The following HEG1 variants were observed in gnomAD, a reference collection of about 807,000 sequenced individuals.
The protein encoded by HEG1 is protein HEG homolog 1.
A neutral mutation model predicts 125.6 loss-of-function variants in HEG1; 56 were observed. The observed-to-expected ratio is 0.45, with a 90% CI of 0.36 to 0.56. HEG1 has a LOEUF of 0.56. HEG1 is among the 20% of genes least tolerant of loss of function. The pLI is 0.00. For missense variants in HEG1, 1,523 were observed against 1,670.0 expected, an observed-to-expected ratio of 0.91 and a Z score of 1.53; for synonymous variants, 644 against 668.5, an observed-to-expected ratio of 0.96 and a Z score of 0.57.
intron 1 of HEG1, among the ~76,000 whole-genome samples, chr3:125,041,938 G>A (rs898683241): frequency 2.6e-5 from 4 of 152,152 alleles, no homozygotes; most frequent in Non-Finnish European, 5.9e-5. Context: ...GGTTTATCAG[G>A]GGCTGGAAGC....
At position 125,055,643 on chromosome 3, in the gene HEG1, C is replaced by A; in HGVS notation, c.248G>T (p.Arg83Met). 1 of 1,194,086 alleles carries A rather than the reference C, an allele frequency of 8.4e-7. No individual in the cohort carries two copies. The highest frequency in any genetic ancestry group is 1.0e-6 in the Non-Finnish European group (1 of 963,512). 74.0% of individuals were successfully genotyped at this position (1,194,086 alleles called of 1,614,324 possible). A position where few individuals can be genotyped will look rare whatever the true frequency, so the allele number is the denominator to read the frequency against. The change falls in exon 1 of 17, where the codon AGG becomes ATG. Residue 83 changes from arginine (R) to methionine (M), a missense_variant. Physicochemically the swap from Arg to Met is moderately conservative, Grantham distance 91 (BLOSUM62 -1). Coordinates refer to ENST00000311127, the MANE Select transcript of HEG1 (RefSeq NM_020733.2). ...TGTCGCGGCGCCTGGCTCAGGGGCC[C>A]TGTAGCTGGGGCCGGGGGTCGCGGG... ...RGPATPGPSYRAPEPGAATQR... is the reference protein window; with the variant it reads ...RGPATPGPSYMAPEPGAATQR...
rs1937008492 is a variant in HEG1, at chr3:125,002,031, G to A, written c.3357-19C>T. On this transcript the variant is annotated intron_variant, in intron 10 of 16. Coordinates refer to ENST00000311127, the MANE Select transcript of HEG1 (RefSeq NM_020733.2). ...GGACTCCCTATAGGCAAAGTTTGTGGGTTTTTAACAGCCCTGAAATGACAC... is the reference window on the plus strand; with the variant it reads ...GGACTCCCTATAGGCAAAGTTTGTGAGTTTTTAACAGCCCTGAAATGACAC... 6.2e-7 allele frequency: 1 copy of A among 1,613,422 alleles called. No individual in the cohort carries two copies. The highest frequency in any genetic ancestry group is 8.5e-7 in the Non-Finnish European group (1 of 1,179,694).
At position 125,012,535 on chromosome 3, in the gene HEG1, C is replaced by T. The variant is rs1196250097; in HGVS notation, c.2956+88G>A. ...CTATTTCAAATGCCAGCCATTTCTA[C>T]AAATTCACATGAACCCCGAGCCCCA... On this transcript the variant is annotated intron_variant, in intron 6 of 16. Transcript: ENST00000311127. 5.3e-6 allele frequency: 7 copies of T among 1,312,298 alleles called. No individual in the cohort carries two copies. In the Middle Eastern group the frequency reaches 9.5e-4, roughly 177 times the overall value. 81.3% of individuals were successfully genotyped at this position (1,312,298 alleles called of 1,614,324 possible).
intron 14 of HEG1, among the ~76,000 whole-genome samples, chr3:124,984,511 C>T (rs753599187): frequency 7.2e-5 from 11 of 152,086 alleles, no homozygotes; most frequent in African/African-American, 4.8e-5. Flanking sequence ...GTAATCCCAG[C>T]GCTTTGGGAG....
At chr3:124,971,671 T>C (rs1000660875) in intron 16 of HEG1, among the ~76,000 whole-genome samples, 5 of 152,120 alleles carry the variant, frequency 3.3e-5, no homozygotes, top group Non-Finnish European at 7.4e-5. Context: ...TTTGTATTTT[T>C]AGTAGAGACG....
At chr3:125,021,942 A>G (rs2088945602) in intron 3 of HEG1, among the ~76,000 whole-genome samples, 1 of 152,216 alleles carries the variant, frequency 6.6e-6, no homozygotes, top group South Asian at 2.1e-4. Context: ...GGACTCCAGG[A>G]GCATTTGCTC....
chr3:124,978,977 T>G, intron 14 of HEG1, among the ~76,000 whole-genome samples: 2 of 150,196 alleles, frequency 1.3e-5, no homozygotes, highest in African/African-American at 4.9e-5. Context: ...CGAGACGGAG[T>G]CTTGCTCTTG....
intron 16 of HEG1, among the ~76,000 whole-genome samples, chr3:124,973,503 C>A (rs920764290): frequency 6.6e-6 from 1 of 152,180 alleles, no homozygotes; most frequent in Non-Finnish European, 1.5e-5. Context: ...ACTGCTACAA[C>A]CACATAAATA....
chr3:124,976,496 TA>T (rs1303765580), intron 15 of HEG1, among the ~76,000 whole-genome samples: 3 of 128,204 alleles, frequency 2.3e-5, no homozygotes, highest in Admixed American at 7.9e-5. Context: ...AGCTATTTTC[TA>T]TTTTTTTTTT....
rs545452772 is a variant in HEG1 at position 125,027,317 on chromosome 3, C to T, written c.801G>A (p.Glu267=). The T allele has an allele frequency of 3.1e-6, 5 of 1,613,982 alleles. No homozygotes were observed. The East Asian group carries it at 1.1e-4, about 36-fold the overall frequency. ...AWSPSFLPAL[E]MGELTTPSRK... ...TAGAAGGCGTGGTCAGCTCTCCCAT[C>T]TCCAAAGCAGGAAGAAAGGACGGGC... is the stretch of plus-strand genomic sequence containing the variant. Residue 267 remains glutamate (E), a synonymous_variant, in exon 3 of 17, where the codon GAG becomes GAA. Transcript: ENST00000311127.
intron 1 of HEG1, among the ~76,000 whole-genome samples, chr3:125,053,747 C>T (rs1574130): frequency 0.14 from 21,171 of 152,228 alleles, 1,915 homozygotes; most frequent in Non-Finnish European, 0.2. Flanking sequence ...AAACCAAGAC[C>T]AGCAGTGTTA....
chr3:125,047,187 T>C lies in HEG1; in HGVS notation c.316+8388A>G, dbSNP rs1226572315. Among the ~76,000 whole-genome samples the C allele has an allele frequency of 2.0e-5, 3 of 152,350 alleles. No homozygotes were observed. In the East Asian group the frequency reaches 5.8e-4, roughly 29 times the overall value. ...GTCTTTGGAACATGGACTTGAACCC[T>C]AGGCAGGGAGCTTGCCCACTGTCCA... On this transcript the variant is annotated intron_variant, in intron 1 of 16. Coordinates refer to ENST00000311127, the MANE Select transcript of HEG1 (RefSeq NM_020733.2).
At chr3:125,003,273 T>C (rs1052905406) in intron 9 of HEG1, among the ~76,000 whole-genome samples, 1 of 152,186 alleles carries the variant, frequency 6.6e-6, no homozygotes, top group Non-Finnish European at 1.5e-5. Context: ...AAATTATACA[T>C]TGATACTGGG....
At chr3:124,976,250 T>C (rs7632767) in intron 15 of HEG1, among the ~76,000 whole-genome samples, 52,926 of 151,744 alleles carry the variant, frequency 0.35, 10,012 homozygotes, top group African/African-American at 0.49. Flanking sequence ...TGCAGTGGCA[T>C]GATCTCAGGT....
chr3:125,000,683 G>T (rs1936987544), intron 11 of HEG1, among the ~76,000 whole-genome samples: 1 of 151,868 alleles, frequency 6.6e-6, no homozygotes, highest in South Asian at 2.1e-4. Context: ...TAACAATCTG[G>T]CTCCCAAGCT....
At position 124,970,777 on chromosome 3, in the gene HEG1, G is replaced by C; in HGVS notation, c.4021C>G (p.Leu1341Val). 1 of 1,609,952 alleles carries C rather than the reference G, an allele frequency of 6.2e-7. No individual in the cohort carries two copies. The highest frequency in any genetic ancestry group is 1.3e-5 in the African/African-American group (1 of 74,908). Residue 1341 changes from leucine (L) to valine (V), a missense_variant, in exon 17 of 17, where the codon CTT (leucine) becomes GTT (valine). Transcript: ENST00000311127. ...YSPTSVRNPE[L>V]ERNGLYPAYT... ...GCCGGGTAGAGTCCGTTTCGTTCAA[G>C]TTCTGGATTCCTTACACTTGTAGGC...
At chr3:125,050,886 T>C (rs923988027) in intron 1 of HEG1, among the ~76,000 whole-genome samples, 2 of 152,262 alleles carry the variant, frequency 1.3e-5, no homozygotes, top group Non-Finnish European at 1.5e-5. Context: ...TTTCTGTCTA[T>C]GCCTGATGAA....
chr3:125,042,732 T>A (rs756721181), intron 1 of HEG1, among the ~76,000 whole-genome samples: 2 of 152,162 alleles, frequency 1.3e-5, no homozygotes, highest in African/African-American at 4.8e-5. Flanking sequence ...CTGCAGGCCC[T>A]CTTTGCCTCA....
intron 1 of HEG1, among the ~76,000 whole-genome samples, chr3:125,036,429 C>T (rs995705660): frequency 2.0e-5 from 3 of 151,866 alleles, no homozygotes; most frequent in African/African-American, 7.3e-5. Context: ...TTCTGGGGAA[C>T]AGAAAATGAT....
Sources: allele counts gnomAD v4.1 joint callset (sites outside exome capture counted in the v4.1 genomes callset), GRCh38; gene constraint gnomAD v4.1.1; transcripts MANE v1.5; gene names NCBI Gene and HGNC (gene_info 2026-07-23, HGNC 2026-07-21).